ASCC3: variants seen among roughly 807,000 people sequenced by gnomAD.
ASCC3 encodes the protein activating signal cointegrator 1 complex subunit 3, also known as ASC-1 complex subunit P200.
Under a neutral mutation model 256.3 loss-of-function variants are expected in ASCC3, and 158 were observed. That is an observed-to-expected ratio of 0.62 (90% CI 0.54 to 0.70). The LOEUF (loss-of-function observed/expected upper bound fraction) is 0.70. Ranked by LOEUF, ASCC3 falls within the 30% of genes least tolerant of loss-of-function variation. The probability of loss-of-function intolerance (pLI) is 0.00; values close to 1 mark genes in which losing one functional copy is unlikely to be tolerated. For missense variants in ASCC3, 2,259 were observed against 2,626.0 expected (o/e 0.86, Z 3.05); for synonymous variants, 948 against 883.4 (o/e 1.07, Z -1.30).
chr6:100,719,886 AAAAT>A (rs1422273856), intron 11 of ASCC3, among the ~76,000 whole-genome samples: 1 of 152,002 alleles, frequency 6.6e-6, no homozygotes, highest in Non-Finnish European at 1.5e-5. Flanking sequence ...GTTGTTAAAT[AAAAT>A]AGATTTAAGA....
chr6:100,744,312 G>A (rs1298559057), intron 10 of ASCC3, among the ~76,000 whole-genome samples: 1 of 152,114 alleles, frequency 6.6e-6, no homozygotes. Context: ...AAAGATTACT[G>A]ATTATTATAG....
At chr6:100,825,300 C>T (rs1373318270) in intron 4 of ASCC3, among the ~76,000 whole-genome samples, 2 of 145,026 alleles carry the variant, frequency 1.4e-5, no homozygotes, top group African/African-American at 2.6e-5. Context: ...TTTAGCCCAT[C>T]GGCTAAAAAA....
At chr6:100,718,286 T>C in intron 11 of ASCC3, 35 bp from the exon 12 acceptor site, 1 of 1,511,164 alleles carries the variant, frequency 6.6e-7, no homozygotes, top group South Asian at 1.2e-5. Context: ...ATGGGTTATT[T>C]AAATTAATTT....
At chr6:100,810,519 A>T (rs926470752) in intron 4 of ASCC3, among the ~76,000 whole-genome samples, 1 of 152,192 alleles carries the variant, frequency 6.6e-6, no homozygotes, top group Non-Finnish European at 1.5e-5. Flanking sequence ...TTTTCTTTCA[A>T]ATTTTTAACC....
intron 39 of ASCC3, among the ~76,000 whole-genome samples, chr6:100,514,635 T>C (rs1008899745): frequency 6.6e-6 from 1 of 151,770 alleles, no homozygotes; most frequent in Non-Finnish European, 1.5e-5. Context: ...TTTATGTATA[T>C]AAAACATGAA....
chr6:100,736,224 T>A (rs1192814404), intron 10 of ASCC3, among the ~76,000 whole-genome samples: 1 of 152,206 alleles, frequency 6.6e-6, no homozygotes, highest in East Asian at 1.9e-4. Context: ...ATGTAAGCTC[T>A]ACTATGTAGC....
intron 37 of ASCC3, among the ~76,000 whole-genome samples, chr6:100,524,566 C>T (rs1774468523): frequency 6.6e-6 from 1 of 152,068 alleles, no homozygotes; most frequent in South Asian, 2.1e-4. Context: ...ATTAAATGTA[C>T]ATAAAGAGGT....
Position 100,879,430 on chromosome 6 carries a change from G to C in ASCC3, c.-42+1631C>G, listed in dbSNP as rs150851467. Among the ~76,000 whole-genome samples, 817 of 152,266 alleles carry C rather than the reference G, an allele frequency of 5.4e-3. 6 individuals are homozygous for C. Among genetic ancestry groups the C allele is most frequent in the African/African-American group, 0.019 (774 of 41,556 alleles). ...CTTCTAATAATTCCTTGACCTTTCTGGTAACCAGCCCCCATCCTGAAGCTA... is the reference window on the plus strand; with the variant it reads ...CTTCTAATAATTCCTTGACCTTTCTCGTAACCAGCCCCCATCCTGAAGCTA... On this transcript the variant is annotated intron_variant, in intron 1 of 41. Coordinates refer to ENST00000369162, the MANE Select transcript of ASCC3 (RefSeq NM_006828.4).
chr6:100,605,440 TTG>T, intron 33 of ASCC3, 126 bp downstream of exon 33: 1 of 693,212 alleles, frequency 1.4e-6, no homozygotes, highest in South Asian at 2.0e-5. Flanking sequence ...GATAATTATA[TTG>T]TTTCACATTA....
intron 36 of ASCC3, among the ~76,000 whole-genome samples, chr6:100,577,861 T>G (rs1479190977): frequency 6.6e-6 from 1 of 152,052 alleles, no homozygotes; most frequent in African/African-American, 2.4e-5. Context: ...ATAAATATAT[T>G]TTTTGATGAA....
intron 10 of ASCC3, among the ~76,000 whole-genome samples, chr6:100,739,630 T>C (rs555098916): frequency 3.3e-5 from 5 of 152,206 alleles, no homozygotes; most frequent in Non-Finnish European, 7.3e-5. Context: ...TATTGGTCTA[T>C]TCAGGGATTC....
intron 13 of ASCC3, among the ~76,000 whole-genome samples, chr6:100,687,085 TAC>T (rs1422579739): frequency 2.1e-4 from 28 of 131,606 alleles, no homozygotes; most frequent in African/African-American, 7.6e-4. Context: ...ATCTCACACA[TAC>T]ACACAGAGAT....
intron 34 of ASCC3, among the ~76,000 whole-genome samples, chr6:100,594,273 G>C (rs989684970): frequency 2.0e-5 from 3 of 152,054 alleles, no homozygotes; most frequent in African/African-American, 7.2e-5. Flanking sequence ...AGATGAACAA[G>C]CATGCATACA....
chr6:100,860,632 T>C (rs1054698371), intron 3 of ASCC3, among the ~76,000 whole-genome samples: 1 of 152,052 alleles, frequency 6.6e-6, no homozygotes. Flanking sequence ...ATTCCTGTAA[T>C]ACCTGTTTCA....
At chr6:100,530,474 A>G in intron 37 of ASCC3, 3 of 800,856 alleles carry the variant, frequency 3.7e-6, no homozygotes, top group Non-Finnish European at 6.8e-6. Context: ...AGAAGTTAGA[A>G]CAACTGTACA....
chr6:100,782,548 T>A (rs1782499305), intron 8 of ASCC3, among the ~76,000 whole-genome samples: 1 of 152,154 alleles, frequency 6.6e-6, no homozygotes, highest in South Asian at 2.1e-4. Context: ...TTTCACTTTT[T>A]AAAAATGTAT....
chr6:100,631,520 T>A (rs887386653), intron 25 of ASCC3, among the ~76,000 whole-genome samples: 1 of 151,856 alleles, frequency 6.6e-6, no homozygotes, highest in African/African-American at 2.4e-5. Flanking sequence ...TACTATGAAA[T>A]TATATTCTAC....
At chr6:100,745,393 CAG>C (rs1189884014) in intron 10 of ASCC3, among the ~76,000 whole-genome samples, 3 of 146,210 alleles carry the variant, frequency 2.1e-5, no homozygotes, top group African/African-American at 5.1e-5. Flanking sequence ...GAGGCTGAGA[CAG>C]AGAACTGCTT....
Position 100,606,799 on chromosome 6 carries a change from A to C in ASCC3, c.4985T>G (p.Ile1662Ser). Residue 1662 changes from isoleucine to serine, a missense_variant, in exon 32 of 42, where the codon ATT becomes AGT. By Grantham distance (142) the Ile-to-Ser change is moderately radical. This residue lies in a region of ASCC3 where 1,839 missense variants were observed against 2,206.7 expected (regional missense o/e 0.83). Coordinates refer to ENST00000369162, the MANE Select transcript of ASCC3 (RefSeq NM_006828.4). ...TCCATCATAGTATTCTGTTCCCTTAATAATTACTAAATGAGCTGGAAAGTT... is the reference window on the plus strand; with the variant it reads ...TCCATCATAGTATTCTGTTCCCTTACTAATTACTAAATGAGCTGGAAAGTT... ...GVNFPAHLVIIKGTEYYDGKT... is the reference protein window; with the variant it reads ...GVNFPAHLVISKGTEYYDGKT... 2 of 1,611,950 alleles carry C rather than the reference A, an allele frequency of 1.2e-6. No individual in the cohort carries two copies. Among genetic ancestry groups the C allele is most frequent in the Non-Finnish European group, 1.7e-6 (2 of 1,179,018 alleles).
Sources: gnomAD v4.1 joint callset for allele counts (sites outside exome capture counted in the v4.1 genomes callset) on GRCh38, gnomAD v4.1.1 for gene constraint, gnomAD v4.1.1 regional missense constraint, MANE v1.5 for transcripts, NCBI Gene and HGNC (gene_info 2026-07-23, HGNC 2026-07-21) for gene names.